Variants in TEKT5 observed in about 807,000 individuals in gnomAD.
TEKT5 encodes tektin-5.
In TEKT5, 52 loss-of-function variants were observed where a neutral mutation model predicts 48.7. The observed-to-expected ratio is 1.07, with a 90% CI of 0.86 to 1.35. The LOEUF is 1.35. Ranked by LOEUF, TEKT5 falls within the 40% of genes most tolerant of loss-of-function variation. TEKT5 has a pLI of 0.00. For missense variants in TEKT5, 831 were observed against 641.6 expected, an observed-to-expected ratio of 1.30 and a Z score of -3.19; for synonymous variants, 318 against 267.6, an observed-to-expected ratio of 1.19 and a Z score of -1.84.
intron 5 of TEKT5, among the ~76,000 whole-genome samples, chr16:10,647,395 C>T (rs1186200813): frequency 1.3e-5 from 2 of 151,516 alleles, no homozygotes; most frequent in African/African-American, 4.9e-5. Flanking sequence ...TCGCTTAAGC[C>T]TGGGATGTCG....
intron 5 of TEKT5, among the ~76,000 whole-genome samples, chr16:10,658,793 C>T (rs904391471): frequency 2.0e-5 from 3 of 152,062 alleles, no homozygotes; most frequent in African/African-American, 7.2e-5. Flanking sequence ...TCTCAGCTCA[C>T]TGCAACCTCT....
At chr16:10,636,053 C>T in intron 5 of TEKT5, 135 bp from the exon 6 acceptor site, 1 of 1,358,988 alleles carries the variant, frequency 7.4e-7, no homozygotes, top group Non-Finnish European at 9.9e-7. Flanking sequence ...GCCTTGAGCA[C>T]CTTTAGGGCA....
In TEKT5 at chr16:10,635,917, G is replaced by A. The variant is rs142647849; in HGVS notation, c.1088C>T (p.Thr363Met). The A allele has an allele frequency of 8.2e-5, 132 of 1,613,498 alleles. 1 individual carries two copies. The South Asian group carries it at 8.8e-4, about 11-fold the overall frequency. The change falls in exon 6 of 7, where the codon ACG becomes ATG. Residue 363 changes from threonine to methionine, a missense_variant and splice_region_variant. Transcript: ENST00000283025. ...KNKLQTQLAK[T>M]LQEIFQAENT... ...CTCGGCCTGGAAGATCTCCTGCAGC[G>A]TCTGCGAGGGAACACACAGGTGTCA... is the stretch of plus-strand genomic sequence containing the variant.
At chr16:10,659,624 G>C (rs1336356017) in intron 5 of TEKT5, among the ~76,000 whole-genome samples, 3 of 152,126 alleles carry the variant, frequency 2.0e-5, no homozygotes, top group Admixed American at 6.6e-5. Flanking sequence ...ACCTCCCAAA[G>C]TGCTGGGATT....
At chr16:10,662,316 T>C (rs189187666) in intron 5 of TEKT5, among the ~76,000 whole-genome samples, 1 of 152,350 alleles carries the variant, frequency 6.6e-6, no homozygotes, top group African/African-American at 2.4e-5. Context: ...GTTGACCTAT[T>C]ACTGTTGTCA....
At chr16:10,631,663 A>G (rs1359649270) in intron 6 of TEKT5, among the ~76,000 whole-genome samples, 2 of 152,130 alleles carry the variant, frequency 1.3e-5, no homozygotes, top group Non-Finnish European at 2.9e-5. Context: ...TGATCTCCTG[A>G]TAAGAGAAAG....
intron 6 of TEKT5, among the ~76,000 whole-genome samples, chr16:10,630,099 C>A (rs1412395859): frequency 6.6e-6 from 1 of 151,938 alleles, no homozygotes; most frequent in Non-Finnish European, 1.5e-5. Context: ...CTGCACTAGG[C>A]TAATTTTAAT....
chr16:10,680,300 T>C (rs1898725259), intron 4 of TEKT5, among the ~76,000 whole-genome samples: 1 of 152,240 alleles, frequency 6.6e-6, no homozygotes, highest in Non-Finnish European at 1.5e-5. Context: ...ACCCCAGGCT[T>C]GGGCCAAGGA....
chr16:10,658,110 A>G (rs961368368), intron 5 of TEKT5, among the ~76,000 whole-genome samples: 25 of 152,162 alleles, frequency 1.6e-4, no homozygotes, highest in Admixed American at 6.5e-5. Context: ...AATGAAAGAG[A>G]TGACAATTCT....
At position 10,635,813 on chromosome 16, in the gene TEKT5, G is replaced by A. The variant is rs757663837; in HGVS notation, c.1192C>T (p.Arg398Trp). 21 of 1,614,036 alleles carry A rather than the reference G, an allele frequency of 1.3e-5. No homozygotes were observed. The highest frequency in any genetic ancestry group is 8.0e-5 in the African/African-American group (6 of 74,912). The change falls in exon 6 of 7, where the codon CGG becomes TGG. Residue 398 changes from arginine to tryptophan, a missense_variant. Transcript: ENST00000283025. ...LKVAQTRLECRTRRPNMELCR... is the reference protein window; with the variant it reads ...LKVAQTRLECWTRRPNMELCR... ...AGCTCCATGTTGGGGCGCCGGGTCC[G>A]GCACTCCAGCCTTGTCTGGGCCACC...
Position 10,686,018 on chromosome 16 carries a change from G to A in TEKT5, c.719+3235C>T, listed in dbSNP as rs561505165. Among the ~76,000 whole-genome samples the A allele has an allele frequency of 9.9e-5, 15 of 152,248 alleles. No homozygotes were observed. In the South Asian group the frequency reaches 1.2e-3, roughly 13 times the overall value. ...CGTCAGCCCTCCTGTCCCCACCAGC[G>A]CCACGGTTTTTCACATCCCATCGCA... On this transcript the variant is annotated intron_variant, in intron 3 of 6. Transcript: ENST00000283025.
At chr16:10,663,837 T>C (rs1256779809) in intron 5 of TEKT5, among the ~76,000 whole-genome samples, 2 of 152,222 alleles carry the variant, frequency 1.3e-5, no homozygotes, top group African/African-American at 4.8e-5. Flanking sequence ...TTCACCCTGG[T>C]TGGGAACCAC....
chr16:10,638,354 C>T (rs1056413425), intron 5 of TEKT5, among the ~76,000 whole-genome samples: 4 of 152,212 alleles, frequency 2.6e-5, no homozygotes, highest in Non-Finnish European at 5.9e-5. Flanking sequence ...TGGCCCTTGA[C>T]CTGTGAGCAG....
chr16:10,645,051 CG>C (rs1898050345), intron 5 of TEKT5, among the ~76,000 whole-genome samples: 1 of 152,132 alleles, frequency 6.6e-6, no homozygotes, highest in Non-Finnish European at 1.5e-5. Flanking sequence ...CACCAGAACC[CG>C]ATCATGCTGG....
At position 10,653,984 on chromosome 16, in the gene TEKT5, TTGTGTGTGTGTGAACGTG is replaced by T. The variant is rs1346510472; in HGVS notation, c.1087-18084_1087-18067del. On this transcript the variant is annotated intron_variant, in intron 5 of 6. Coordinates refer to ENST00000283025, the MANE Select transcript of TEKT5 (RefSeq NM_144674.2). The stretch of plus-strand genomic sequence containing the variant: ...AGGTTACTGGGGGAACTAAGTAAAA[TTGTGTGTGTGTGAACGTG>T]TGTGTGTGTGTGCATGTGTGTGTGT... Among the ~76,000 whole-genome samples the T allele has an allele frequency of 2.0e-5, 3 of 151,570 alleles. No individual in the cohort carries two copies. The East Asian group carries it at 5.8e-4, about 29-fold the overall frequency.
chr16:10,660,399 G>C (rs1898346274), intron 5 of TEKT5, among the ~76,000 whole-genome samples: 1 of 151,952 alleles, frequency 6.6e-6, no homozygotes, highest in South Asian at 2.1e-4. Context: ...CCTGCTGGCA[G>C]AATTCTGTGC....
intron 5 of TEKT5, among the ~76,000 whole-genome samples, chr16:10,651,402 C>G (rs555941120): frequency 6.6e-6 from 1 of 152,316 alleles, no homozygotes; most frequent in East Asian, 1.9e-4. Context: ...GTTAATTCCC[C>G]TAACTCAAAA....
At chr16:10,662,312 C>G (rs1898387498) in intron 5 of TEKT5, among the ~76,000 whole-genome samples, 1 of 152,180 alleles carries the variant, frequency 6.6e-6, no homozygotes, top group Non-Finnish European at 1.5e-5. Flanking sequence ...AGATGTTGAC[C>G]TATTACTGTT....
intron 6 of TEKT5, among the ~76,000 whole-genome samples, chr16:10,632,421 C>T (rs560973096): frequency 6.6e-6 from 1 of 152,032 alleles, no homozygotes; most frequent in Non-Finnish European, 1.5e-5. Flanking sequence ...CTTTAGCCTC[C>T]TAAGTAGCTT....
Sources: gnomAD v4.1 joint callset for allele counts (sites outside exome capture counted in the v4.1 genomes callset) on GRCh38, gnomAD v4.1.1 for gene constraint, MANE v1.5 for transcripts, NCBI Gene and HGNC (gene_info 2026-07-23, HGNC 2026-07-21) for gene names.